Variants in LRP4 observed in about 807,000 individuals in gnomAD.
The protein encoded by LRP4 is low-density lipoprotein receptor-related protein 4.
In LRP4, 95 loss-of-function variants were observed where a neutral mutation model predicts 220.3. That is an observed-to-expected ratio of 0.43 (90% CI 0.37 to 0.51). The LOEUF (loss-of-function observed/expected upper bound fraction) is 0.51. Ranked by LOEUF, LRP4 falls within the 20% of genes least tolerant of loss-of-function variation. The pLI is 0.00. For synonymous variants in LRP4, 903 were observed against 954.6 expected, an observed-to-expected ratio of 0.95 and a Z score of 1.00; for missense variants, 1,925 against 2,567.0, an observed-to-expected ratio of 0.75 and a Z score of 5.40.
chr11:46,899,035 G>A lies in LRP4; in HGVS notation c.548-3C>T. 1 of 1,611,146 alleles carries A rather than the reference G, an allele frequency of 6.2e-7. No individual in the cohort carries two copies. Among genetic ancestry groups the A allele is most frequent in the South Asian group, 1.1e-5 (1 of 91,008 alleles). On this transcript the variant is annotated splice_polypyrimidine_tract_variant and splice_region_variant and intron_variant, in intron 5 of 37. Coordinates refer to ENST00000378623, the MANE Select transcript of LRP4 (RefSeq NM_002334.4). This position sits in a 1 kb window ranked among gnomAD's most constrained non-coding sequence, Gnocchi z 5.9. Reference sequence around the variant, plus strand: ...GGGGGGCGCTGGCACTGCTGAGGCTGGAGGGAAGGCAGGGGTGGGGAGGGG... The same window carrying A: ...GGGGGGCGCTGGCACTGCTGAGGCTAGAGGGAAGGCAGGGGTGGGGAGGGG...
In LRP4 at chr11:46,918,261, G is replaced by A; in HGVS notation, c.52+67C>T. 6.8e-7 allele frequency: 1 copy of A among 1,468,776 alleles called. No individual in the cohort carries two copies. The highest frequency in any genetic ancestry group is 2.0e-5 in the Admixed American group (1 of 48,900). 91.0% of individuals were successfully genotyped at this position (1,468,776 alleles called of 1,614,324 possible). ...CTCAGGCCCCGGCCCGCGCCGTCCA[G>A]GTCCCGGGAGGCGAGTCCTGCAGCG... On this transcript the variant is annotated intron_variant, in intron 1 of 37. Coordinates refer to ENST00000378623, the MANE Select transcript of LRP4 (RefSeq NM_002334.4). The surrounding 1 kb of genome is among the most constrained non-coding windows in gnomAD (Gnocchi z 6.0).
Position 46,875,081 on chromosome 11 carries a change from T to G in LRP4, c.3948A>C (p.Arg1316Ser). The G allele has an allele frequency of 6.2e-7, 1 of 1,613,380 alleles. No homozygotes were observed. Residue 1316 changes from arginine (R) to serine (S), a missense_variant, in exon 28 of 38, where the codon AGA becomes AGC. Transcript: ENST00000378623. The surrounding 1 kb of genome is among the most constrained non-coding windows in gnomAD (Gnocchi z 4.5). ...QPLGFNKCGS[R>S]NGGCSHLCLP... is the part of the protein sequence containing the mutation. ...AGCAGAGGTGGGAGCAGCCGCCATT[T>G]CTCGAGCCGCACTTGTTAAAACCTG...
chr11:46,891,145 G>A (rs1276087032), intron 13 of LRP4, among the ~76,000 whole-genome samples: 2 of 151,462 alleles, frequency 1.3e-5, no homozygotes, highest in African/African-American at 4.9e-5. Flanking sequence ...TTTGAGACTC[G>A]CTCTGTTGCC....
At chr11:46,866,339 A>G (rs915771250) in intron 34 of LRP4, among the ~76,000 whole-genome samples, 19 of 150,404 alleles carry the variant, frequency 1.3e-4, no homozygotes, top group Admixed American at 7.9e-4. Flanking sequence ...GCTGGTGTGC[A>G]GTGGCACAAT....
intron 13 of LRP4, among the ~76,000 whole-genome samples, chr11:46,891,365 C>T (rs1164582044): frequency 1.3e-5 from 2 of 151,764 alleles, no homozygotes; most frequent in South Asian, 2.1e-4. Context: ...CCACCTGCCT[C>T]GGCCTCCCAA....
intron 8 of LRP4, 112 bp downstream of exon 8, chr11:46,896,757 T>C: frequency 1.9e-6 from 3 of 1,540,346 alleles, no homozygotes; most frequent in Non-Finnish European, 2.7e-6. Context: ...TGCACCTGGA[T>C]TTTACACTGG....
intron 11 of LRP4, 26 bp from the exon 12 acceptor site, chr11:46,894,845 A>G (rs1205883208): frequency 6.2e-7 from 1 of 1,600,828 alleles, no homozygotes; most frequent in South Asian, 1.1e-5. Context: ...AACATGGGAT[A>G]CCCACTGGGT....
intron 9 of LRP4, 68 bp downstream of exon 9, chr11:46,896,142 C>T: frequency 6.2e-7 from 1 of 1,610,642 alleles, no homozygotes; most frequent in Non-Finnish European, 8.5e-7. Context: ...GGGAGGATTC[C>T]CTTTGAACCC....
At position 46,858,262 on chromosome 11, in the gene LRP4, C is replaced by G. The variant is rs1031626909; in HGVS notation, c.*721G>C. ...GCCTTGTGATAGGGGACCCAGTTAT[C>G]TGAATGTAGAAACAGCTCCAGACAT... On this transcript the variant is annotated 3_prime_UTR_variant, in exon 38 of 38. Transcript: ENST00000378623. The G allele has an allele frequency of 3.2e-5, 5 of 154,426 alleles. No homozygotes were observed. Among genetic ancestry groups the G allele is most frequent in the Non-Finnish European group, 5.8e-5 (4 of 69,498 alleles). 9.6% of individuals were successfully genotyped at this position (154,426 alleles called of 1,614,324 possible). A position where few individuals can be genotyped will look rare whatever the true frequency, so the allele number is the denominator to read the frequency against.
rs748959880 is a variant in LRP4 at position 46,871,642 on chromosome 11, AAAATG to A, written c.4584-14_4584-10del. ...CATCCACCCAGTAGATCCTGCGAAGAAAATGAAAAGAGTGGCTGCTCCAAACGCTT... is the reference window on the plus strand; with the variant it reads ...CATCCACCCAGTAGATCCTGCGAAGAAAAAGAGTGGCTGCTCCAAACGCTT... On this transcript the variant is annotated splice_polypyrimidine_tract_variant and intron_variant, in intron 30 of 37. Transcript: ENST00000378623. The A allele has an allele frequency of 2.5e-6, 4 of 1,589,930 alleles. No individual in the cohort carries two copies. The Admixed American group carries it at 6.8e-5, about 27-fold the overall frequency.
In LRP4 at chr11:46,876,588, T is replaced by C. The variant is rs1357129716; in HGVS notation, c.3414A>G (p.Val1138=). 21 of 1,614,070 alleles carry C rather than the reference T, an allele frequency of 1.3e-5. No homozygotes were observed. Among genetic ancestry groups the C allele is most frequent in the Non-Finnish European group, 1.7e-5 (20 of 1,180,062 alleles). ...GGTTTGTTCCCGTGTCTGTCCAGTA[T>C]ACTTTCCGGCCAATGGCATCAACCG... ...GLAVDAIGRK[V]YWTDTGTNRI... is the part of the protein sequence containing the mutation. The change falls in exon 25 of 38, where the codon GTA becomes GTG. Residue 1138 remains valine (V), a synonymous_variant. Coordinates refer to ENST00000378623, the MANE Select transcript of LRP4 (RefSeq NM_002334.4).
rs1177037768 is a variant in LRP4, at chr11:46,890,010, T to C, written c.2026A>G (p.Ile676Val). The change falls in exon 15 of 38, where the codon ATC (isoleucine) becomes GTC (valine). Residue 676 changes from isoleucine (I) to valine (V), a missense_variant. Physicochemically the swap from Ile to Val is conservative, Grantham distance 29. Coordinates refer to ENST00000378623, the MANE Select transcript of LRP4 (RefSeq NM_002334.4). This position sits in a 1 kb window ranked among gnomAD's most constrained non-coding sequence, Gnocchi z 5.3. ...ANKFTGKNQE[I>V]IRNKLHFPMD... ...GGGAAGTGGAGTTTGTTGCGAATGA[T>C]TTCCTGGTTCTTCCCCGTAAATTTG... 1 of 1,614,134 alleles carries C rather than the reference T, an allele frequency of 6.2e-7. No homozygotes were observed. Among genetic ancestry groups the C allele is most frequent in the Non-Finnish European group, 8.5e-7 (1 of 1,180,034 alleles).
chr11:46,904,480 C>CATGGATAG (rs1555175137), intron 1 of LRP4, among the ~76,000 whole-genome samples: 1 of 151,134 alleles, frequency 6.6e-6, no homozygotes, highest in Non-Finnish European at 1.5e-5. Context: ...GCCTGCAATG[C>CATGGATAG]ATGGATGGAT....
chr11:46,884,239 T>A (rs772487514), intron 18 of LRP4, among the ~76,000 whole-genome samples: 1 of 152,246 alleles, frequency 6.6e-6, no homozygotes, highest in Non-Finnish European at 1.5e-5. Flanking sequence ...CAAACTTTAG[T>A]GTGCGTAAGA....
rs143771022 is a variant in LRP4 at position 46,873,165 on chromosome 11, C to T, written c.4518G>A (p.Arg1506=). 4 of 1,614,218 alleles carry T rather than the reference C, an allele frequency of 2.5e-6. 1 individual carries two copies. The South Asian group carries it at 4.4e-5, about 18-fold the overall frequency. The stretch of plus-strand genomic sequence containing the variant: ...CCAGGTCTGTGTTGATGAGGACCTT[C>T]CGCTCAGAACCATCCAAGTTTGCCC... ...IERANLDGSE[R]KVLINTDLGW... is the part of the protein sequence containing the mutation. The change falls in exon 30 of 38, where the codon CGG becomes CGA. Residue 1506 remains arginine, a synonymous_variant. Coordinates refer to ENST00000378623, the MANE Select transcript of LRP4 (RefSeq NM_002334.4). The surrounding 1 kb of genome is among the most constrained non-coding windows in gnomAD (Gnocchi z 4.2).
intron 2 of LRP4, among the ~76,000 whole-genome samples, chr11:46,900,936 G>A (rs1292640006): frequency 2.6e-5 from 4 of 151,912 alleles, no homozygotes; most frequent in Admixed American, 6.6e-5. Context: ...ACAGGTGCCC[G>A]CTGCCACACC....
chr11:46,895,579 T>A (rs549781658), intron 10 of LRP4, among the ~76,000 whole-genome samples: 1 of 151,906 alleles, frequency 6.6e-6, no homozygotes, highest in East Asian at 1.9e-4. Flanking sequence ...AGGCTCCATC[T>A]CAAAAAAATA....
intron 3 of LRP4, 137 bp from the exon 4 acceptor site, chr11:46,900,113 A>C (rs772664927): frequency 3.8e-5 from 36 of 955,102 alleles, no homozygotes; most frequent in East Asian, 2.4e-5. Context: ...GCCTCTCAGC[A>C]GCTTATCTGA....
chr11:46,881,369 A>C (rs1365125726), intron 20 of LRP4, among the ~76,000 whole-genome samples: 1 of 152,208 alleles, frequency 6.6e-6, no homozygotes, highest in Non-Finnish European at 1.5e-5. Flanking sequence ...AAAGAGATGA[A>C]TCACAGGCCC....
Sources: gnomAD v4.1 joint callset for allele counts (sites outside exome capture counted in the v4.1 genomes callset) on GRCh38, gnomAD v4.1.1 for gene constraint, Gnocchi (gnomAD v3.1) non-coding constraint, MANE v1.5 for transcripts, NCBI Gene and HGNC (gene_info 2026-07-23, HGNC 2026-07-21) for gene names.